MYB: variants seen among roughly 807,000 people sequenced by gnomAD.
MYB encodes MYB proto-oncogene, transcription factor.
In MYB, 28 loss-of-function variants were observed where a neutral mutation model predicts 92.9. The observed-to-expected ratio is 0.30, with a 90% CI of 0.22 to 0.41. The LOEUF (loss-of-function observed/expected upper bound fraction) is 0.41, where lower values mean the gene tolerates loss of function less well. Ranked by LOEUF, MYB falls within the 10% of genes least tolerant of loss-of-function variation. The probability of loss-of-function intolerance (pLI) is 1.00; values close to 1 mark genes in which losing one functional copy is unlikely to be tolerated. For synonymous variants in MYB, 295 were observed against 329.1 expected (o/e 0.90, Z 1.12); for missense variants, 679 against 929.3 (o/e 0.73, Z 3.50).
rs1776920891 is a variant in MYB, at chr6:135,193,698, T to C, written c.763-140T>C. 7.5e-6 allele frequency: 4 copies of C among 530,958 alleles called. No homozygotes were observed. In the East Asian group the frequency reaches 1.1e-4, roughly 15 times the overall value. The allele number at this position is 530,958 out of a possible 1,614,324, so 32.9% of individuals were successfully genotyped here. A position where few individuals can be genotyped will look rare whatever the true frequency, so the allele number is the denominator to read the frequency against. ...CCTGGCTAAATTTCACATTAAAAGG[T>C]TTTAAAAATTTGTTTAGTGTATTTT... On this transcript the variant is annotated intron_variant, in intron 6 of 15. Transcript: ENST00000341911.
At chr6:135,200,869 G>C (rs1222270199) in intron 13 of MYB, among the ~76,000 whole-genome samples, 1 of 152,118 alleles carries the variant, frequency 6.6e-6, no homozygotes, top group Non-Finnish European at 1.5e-5. Context: ...ACAAGGTCAG[G>C]AGTTCGAGAT....
In MYB at chr6:135,195,736, C is replaced by G; in HGVS notation, c.949-12C>G. 1 of 1,613,250 alleles carries G rather than the reference C, an allele frequency of 6.2e-7. No individual in the cohort carries two copies. The highest frequency in any genetic ancestry group is 1.1e-5 in the South Asian group (1 of 91,072). On this transcript the variant is annotated splice_polypyrimidine_tract_variant and intron_variant, in intron 8 of 15. Coordinates refer to ENST00000341911, the MANE Select transcript of MYB (RefSeq NM_001130173.2). ...TCCTCTCTTTATTTCTACACCCTTC[C>G]CCCTTCCTTAGACACAGAACCACAC...
chr6:135,189,777 C>A lies in MYB; in HGVS notation c.214-14C>A. ...CATCATATCTTTATGGTGGTGCATA[C>A]TTTATTTGTCTAGAATCGAACAGAT... On this transcript the variant is annotated splice_polypyrimidine_tract_variant and intron_variant, in intron 3 of 15. Transcript: ENST00000341911. The A allele has an allele frequency of 3.7e-6, 6 of 1,610,044 alleles. No homozygotes were observed. Among genetic ancestry groups the A allele is most frequent in the Non-Finnish European group, 5.1e-6 (6 of 1,176,932 alleles).
intron 15 of MYB, among the ~76,000 whole-genome samples, chr6:135,209,036 T>C (rs1779363290): frequency 6.6e-6 from 1 of 152,220 alleles, no homozygotes; most frequent in African/African-American, 2.4e-5. Context: ...TGGCAAGTGC[T>C]GCTGAGGAGC....
chr6:135,192,653 C>A, intron 6 of MYB, 95 bp downstream of exon 6: 1 of 1,177,850 alleles, frequency 8.5e-7, no homozygotes, highest in Non-Finnish European at 1.2e-6. Flanking sequence ...TTTCAGAGAA[C>A]TTTCCTGAGC....
intron 1 of MYB, 37 bp from the exon 2 acceptor site, chr6:135,185,864 CTT>C (rs757175347): frequency 3.3e-6 from 5 of 1,513,854 alleles, no homozygotes; most frequent in African/African-American, 2.7e-5. Context: ...TCTAAATCCT[CTT>C]GTTTCAGCCC....
intron 2 of MYB, 113 bp downstream of exon 2, chr6:135,186,133 C>G: frequency 2.5e-6 from 2 of 811,544 alleles, no homozygotes; most frequent in Non-Finnish European, 2.0e-6. Flanking sequence ...TCCTTGAGAT[C>G]TTATCCTAGC....
At chr6:135,197,459 C>A in intron 10 of MYB, 136 bp downstream of exon 10, 1 of 894,634 alleles carries the variant, frequency 1.1e-6, no homozygotes, top group Non-Finnish European at 1.7e-6. Context: ...TTGAATCTAG[C>A]TGTTGCTAAG....
At chr6:135,202,033 T>G (rs1446079553) in intron 14 of MYB, among the ~76,000 whole-genome samples, 2 of 152,218 alleles carry the variant, frequency 1.3e-5, no homozygotes, top group Non-Finnish European at 2.9e-5. Flanking sequence ...AAAAACTATG[T>G]TCATTTATAT....
chr6:135,201,840 C>A, intron 14 of MYB, 91 bp downstream of exon 14: 1 of 585,488 alleles, frequency 1.7e-6, no homozygotes, highest in South Asian at 4.7e-5. Context: ...GCGGTTTCAG[C>A]ACTCCCTCTT....
chr6:135,209,338 A>C (rs559430254), intron 15 of MYB, among the ~76,000 whole-genome samples: 1 of 152,248 alleles, frequency 6.6e-6, no homozygotes, highest in African/African-American at 2.4e-5. Context: ...GGTCCAAGCT[A>C]TTCTCCTGCC....
chr6:135,196,954 G>A lies in MYB; in HGVS notation c.1204-7G>A. 6.2e-7 allele frequency: 1 copy of A among 1,609,596 alleles called. No individual in the cohort carries two copies. On this transcript the variant is annotated splice_polypyrimidine_tract_variant and splice_region_variant and intron_variant, in intron 9 of 15. Coordinates refer to ENST00000341911, the MANE Select transcript of MYB (RefSeq NM_001130173.2). ...CTCAAAGTTCTGTGCCTCCCACATT[G>A]TTTCAGGATTCTTCATCATGGTGTG...
chr6:135,204,186 A>G (rs929794864), intron 15 of MYB, among the ~76,000 whole-genome samples: 1 of 152,194 alleles, frequency 6.6e-6, no homozygotes, highest in Non-Finnish European at 1.5e-5. Flanking sequence ...GAGTCTGCCC[A>G]TTACCTTAAA....
At chr6:135,183,196 G>T (rs1244905795) in intron 1 of MYB, among the ~76,000 whole-genome samples, 2 of 151,850 alleles carry the variant, frequency 1.3e-5, no homozygotes, top group Non-Finnish European at 2.9e-5. Context: ...AGGGGCGGGA[G>T]CCTTGAACCT....
intron 15 of MYB, among the ~76,000 whole-genome samples, chr6:135,208,323 C>T (rs571635324): frequency 5.3e-5 from 8 of 151,254 alleles, no homozygotes; most frequent in African/African-American, 9.7e-5. Flanking sequence ...ATGATCGGCC[C>T]GCCTTGGCCT....
intron 15 of MYB, among the ~76,000 whole-genome samples, chr6:135,213,940 G>A (rs1583433256): frequency 6.6e-6 from 1 of 152,056 alleles, no homozygotes; most frequent in African/African-American, 2.4e-5. Flanking sequence ...GCAAGCATAA[G>A]ATTGTTTTAA....
chr6:135,209,353 T>C (rs1403054898), intron 15 of MYB, among the ~76,000 whole-genome samples: 1 of 152,118 alleles, frequency 6.6e-6, no homozygotes, highest in African/African-American at 2.4e-5. Context: ...CCTGCCTCAG[T>C]TTCCCAAGTA....
chr6:135,205,101 G>C (rs72974197), intron 15 of MYB, among the ~76,000 whole-genome samples: 1 of 152,044 alleles, frequency 6.6e-6, no homozygotes, highest in Non-Finnish European at 1.5e-5. Context: ...TGGGAGATGA[G>C]GAAGAGAATG....
At chr6:135,208,788 AC>A (rs1284704196) in intron 15 of MYB, among the ~76,000 whole-genome samples, 1 of 152,230 alleles carries the variant, frequency 6.6e-6, no homozygotes, top group Non-Finnish European at 1.5e-5. Flanking sequence ...TACCATCATT[AC>A]ATATTTAACA....
Sources: gnomAD v4.1 joint callset for allele counts (sites outside exome capture counted in the v4.1 genomes callset) on GRCh38, gnomAD v4.1.1 for gene constraint, MANE v1.5 for transcripts, NCBI Gene and HGNC (gene_info 2026-07-23, HGNC 2026-07-21) for gene names.